Variants in NAB1 observed in about 807,000 individuals in gnomAD.
NAB1 encodes NGFI-A-binding protein 1.
In NAB1, 25 loss-of-function variants were observed where a neutral mutation model predicts 49.9. The ratio of observed to expected loss-of-function variants is 0.50; its 90% CI spans 0.37 to 0.70. The LOEUF (loss-of-function observed/expected upper bound fraction) is 0.70. Among genes scored for constraint, NAB1 ranks in the 30% least tolerant of loss-of-function variants. The pLI is 0.00. For missense variants in NAB1, 489 were observed against 575.9 expected (o/e 0.85, Z 1.54); for synonymous variants, 198 against 215.6 (o/e 0.92, Z 0.71).
intron 2 of NAB1, among the ~76,000 whole-genome samples, chr2:190,653,051 G>A (rs1693746516): frequency 6.6e-6 from 1 of 152,166 alleles, no homozygotes; most frequent in East Asian, 1.9e-4. Context: ...GTGTGGCTCA[G>A]GGAAGCCAAA....
rs560500948 is a variant in NAB1 at position 190,692,396 on chromosome 2, A to G, written c.*2063A>G. ...GTTTCCTTAACTATCTTATGTTTCT[A>G]GTCTTTCAAGCTTAGTGATAAGGTG... On this transcript the variant is annotated 3_prime_UTR_variant, in exon 10 of 10. Coordinates refer to ENST00000337386, the MANE Select transcript of NAB1 (RefSeq NM_005966.4). The surrounding 1 kb of genome is among the most constrained non-coding windows in gnomAD (Gnocchi z 5.2). The G allele has an allele frequency of 4.6e-5, 7 of 152,712 alleles. No individual in the cohort carries two copies. The South Asian group carries it at 1.5e-3, about 32-fold the overall frequency. The allele number at this position is 152,712 out of a possible 1,614,324, so 9.5% of individuals were successfully genotyped here. A position where few individuals can be genotyped will look rare whatever the true frequency, so the allele number is the denominator to read the frequency against.
chr2:190,690,043 C>CGTA (rs1574489946), intron 9 of NAB1, among the ~76,000 whole-genome samples: 3 of 5,482 alleles, frequency 5.5e-4, no homozygotes, highest in Admixed American at 1.2e-3. Context: ...ATGTATACAT[C>CGTA]TAGTAATTGG....
chr2:190,687,272 G>A lies in NAB1; in HGVS notation c.1330G>A (p.Glu444Lys). The part of the protein sequence containing the change: ...RQPHHFVVDG[E>K]LSRLYPSEAK... The stretch of plus-strand genomic sequence containing the variant: ...ACCCCATCATTTTGTGGTGGATGGG[G>A]AGCTGAGCAGACTTTACCCCAGTGA... Residue 444 changes from glutamate (E) to lysine (K), a missense_variant, in exon 9 of 10, where the codon GAG (glutamate) becomes AAG (lysine). Physicochemically the swap from Glu to Lys is moderately conservative, Grantham distance 56. Around this residue, in one of 4 missense-constraint regions of NAB1, gnomAD observed 212 missense variants for 199.3 expected, o/e 1.06. Coordinates refer to ENST00000337386, the MANE Select transcript of NAB1 (RefSeq NM_005966.4). 2 of 1,599,964 alleles carry A rather than the reference G, an allele frequency of 1.3e-6. No homozygotes were observed. The highest frequency in any genetic ancestry group is 4.6e-5 in the East Asian group (2 of 43,888).
At position 190,692,647 on chromosome 2, in the gene NAB1, T is replaced by G. The variant is rs1209366895; in HGVS notation, c.*2314T>G. The G allele has an allele frequency of 2.6e-5, 4 of 152,642 alleles. No homozygotes were observed. Among genetic ancestry groups the G allele is most frequent in the Non-Finnish European group, 5.9e-5 (4 of 68,042 alleles). 9.5% of individuals were successfully genotyped at this position (152,642 alleles called of 1,614,324 possible). A position where few individuals can be genotyped will look rare whatever the true frequency, so the allele number is the denominator to read the frequency against. On this transcript the variant is annotated 3_prime_UTR_variant, in exon 10 of 10. Coordinates refer to ENST00000337386, the MANE Select transcript of NAB1 (RefSeq NM_005966.4). This position sits in a 1 kb window ranked among gnomAD's most constrained non-coding sequence, Gnocchi z 5.2. ...CCAATATAGTCCAAGGGACCATTTC[T>G]CCCCGAGTCTCTTACACTTTATTGT...
chr2:190,651,039 C>A lies in NAB1; in HGVS notation c.-197+1057C>A, dbSNP rs890038535. 6.6e-6 allele frequency among the ~76,000 whole-genome samples: 1 copy of A among 152,102 alleles called. No individual in the cohort carries two copies. Reference sequence around the variant, plus strand: ...GATTAAAAATGTTTTTTTCCCGACTCTGATGGTCTCTTGTTACTTGTGAAG... The same window carrying A: ...GATTAAAAATGTTTTTTTCCCGACTATGATGGTCTCTTGTTACTTGTGAAG... On this transcript the variant is annotated intron_variant, in intron 2 of 9. Transcript: ENST00000337386. The surrounding 1 kb of genome is among the most constrained non-coding windows in gnomAD (Gnocchi z 4.3).
Position 190,689,223 on chromosome 2 carries a change from C to T in NAB1, c.1376-1022C>T, listed in dbSNP as rs1341244279. ...AGCACCGATACTTGACTGAGTGACCCTGACTGAGTTACTTAAGTACTCGTC... is the reference window on the plus strand; with the variant it reads ...AGCACCGATACTTGACTGAGTGACCTTGACTGAGTTACTTAAGTACTCGTC... On this transcript the variant is annotated intron_variant, in intron 9 of 9. Coordinates refer to ENST00000337386, the MANE Select transcript of NAB1 (RefSeq NM_005966.4). The surrounding 1 kb of genome is among the most constrained non-coding windows in gnomAD (Gnocchi z 4.3). Among the ~76,000 whole-genome samples, 1 of 152,128 alleles carries T rather than the reference C, an allele frequency of 6.6e-6. No individual in the cohort carries two copies. The highest frequency in any genetic ancestry group is 2.4e-5 in the African/African-American group (1 of 41,414).
At position 190,652,006 on chromosome 2, in the gene NAB1, G is replaced by A. The variant is rs765097592; in HGVS notation, c.-197+2024G>A. Among the ~76,000 whole-genome samples the A allele has an allele frequency of 3.9e-5, 6 of 152,158 alleles. No homozygotes were observed. Among genetic ancestry groups the A allele is most frequent in the Admixed American group, 6.5e-5 (1 of 15,286 alleles). On this transcript the variant is annotated intron_variant, in intron 2 of 9. Coordinates refer to ENST00000337386, the MANE Select transcript of NAB1 (RefSeq NM_005966.4). This position sits in a 1 kb window ranked among gnomAD's most constrained non-coding sequence, Gnocchi z 4.2. Reference sequence around the variant, plus strand: ...TTATCCTTTTCAACAGTAGAATGAAGAATGGTACAATTGTTATATTAAGTG... The same window carrying A: ...TTATCCTTTTCAACAGTAGAATGAAAAATGGTACAATTGTTATATTAAGTG...
At chr2:190,655,822 A>T (rs1223128513) in intron 2 of NAB1, among the ~76,000 whole-genome samples, 155 bp from the exon 3 acceptor site, 1 of 152,240 alleles carries the variant, frequency 6.6e-6, no homozygotes, top group Non-Finnish European at 1.5e-5. Context: ...CAGGTGACTG[A>T]TGCTACCCTG....
rs1162173862 is a variant in NAB1, at chr2:190,654,987, A to G, written c.-196-990A>G. Among the ~76,000 whole-genome samples, 1 of 152,236 alleles carries G rather than the reference A, an allele frequency of 6.6e-6. No homozygotes were observed. The highest frequency in any genetic ancestry group is 1.5e-5 in the Non-Finnish European group (1 of 68,042). ...AGAGAATGTACTTGATTTTGGACACATCAAATTTGAGGTTTTGACAATGCC... is the reference window on the plus strand; with the variant it reads ...AGAGAATGTACTTGATTTTGGACACGTCAAATTTGAGGTTTTGACAATGCC... On this transcript the variant is annotated intron_variant, in intron 2 of 9. Transcript: ENST00000337386. The surrounding 1 kb of genome is among the most constrained non-coding windows in gnomAD (Gnocchi z 5.6).
At position 190,683,778 on chromosome 2, in the gene NAB1, T is replaced by G; in HGVS notation, c.1046T>G (p.Phe349Cys). 1 of 1,613,868 alleles carries G rather than the reference T, an allele frequency of 6.2e-7. No homozygotes were observed. Among genetic ancestry groups the G allele is most frequent in the Non-Finnish European group, 8.5e-7 (1 of 1,179,940 alleles). The change falls in exon 7 of 10, where the codon TTC becomes TGC. Residue 349 changes from phenylalanine (F) to cysteine (C), a missense_variant. Physicochemically the swap from Phe to Cys is radical, Grantham distance 205. This residue lies in a region of NAB1 where 212 missense variants were observed against 199.3 expected (regional missense o/e 1.06). Transcript: ENST00000337386. ...TTCCAGGATTCTGTGCAAACACTCTTCCAGCAGGCTAGAGCTAAGAGTGAA... is the reference window on the plus strand; with the variant it reads ...TTCCAGGATTCTGTGCAAACACTCTGCCAGCAGGCTAGAGCTAAGAGTGAA... Reference protein sequence around the residue: ...PDFQDSVQTLFQQARAKSEEL... With the variant: ...PDFQDSVQTLCQQARAKSEEL...
rs1312127730 is a variant in NAB1 at position 190,666,766 on chromosome 2, G to T, written c.820-3560G>T. On this transcript the variant is annotated intron_variant, in intron 4 of 9. Transcript: ENST00000337386. The surrounding 1 kb of genome is among the most constrained non-coding windows in gnomAD (Gnocchi z 5.6). Reference sequence around the variant, plus strand: ...GATATGGTGGAATTTTGGTATTTTGGGCCACAAAAAGAGGAAATGGAGGAA... The same window carrying T: ...GATATGGTGGAATTTTGGTATTTTGTGCCACAAAAAGAGGAAATGGAGGAA... 6.6e-6 allele frequency among the ~76,000 whole-genome samples: 1 copy of T among 152,026 alleles called. No individual in the cohort carries two copies. Among genetic ancestry groups the T allele is most frequent in the Admixed American group, 6.5e-5 (1 of 15,272 alleles).
intron 6 of NAB1, 35 bp downstream of exon 6, chr2:190,673,187 A>G (rs1694905989): frequency 2.5e-6 from 4 of 1,601,218 alleles, no homozygotes; most frequent in Non-Finnish European, 3.4e-6. Context: ...TATGCTGATA[A>G]TGTTTGCTTT....
In NAB1 at chr2:190,659,941, A is replaced by G. The variant is rs1220639055; in HGVS notation, c.765A>G (p.Ile255Met). 6.2e-7 allele frequency: 1 copy of G among 1,614,022 alleles called. No homozygotes were observed. The highest frequency in any genetic ancestry group is 1.3e-5 in the African/African-American group (1 of 74,944). The change falls in exon 4 of 10, where the codon ATA becomes ATG. Residue 255 changes from isoleucine (I) to methionine (M), a missense_variant. Ile to Met is a conservative substitution (Grantham distance 10). Around this residue, in one of 4 missense-constraint regions of NAB1, gnomAD observed 38 missense variants for 70.1 expected, o/e 0.54. Coordinates refer to ENST00000337386, the MANE Select transcript of NAB1 (RefSeq NM_005966.4). The surrounding 1 kb of genome is among the most constrained non-coding windows in gnomAD (Gnocchi z 6.2). ...AGGAAATTCGGAAATACAGTGCAAT[A>G]TATGGCAGATTTGACTCAAAGAGGA... The part of the protein sequence containing the change: ...KEEEIRKYSA[I>M]YGRFDSKRKD...
intron 2 of NAB1, among the ~76,000 whole-genome samples, chr2:190,653,279 T>C (rs1693759622): frequency 6.6e-6 from 1 of 152,192 alleles, no homozygotes; most frequent in Admixed American, 6.5e-5. Context: ...CCATTTCCCA[T>C]CTCAATCTTT....
intron 3 of NAB1, among the ~76,000 whole-genome samples, chr2:190,658,588 A>G (rs569018887): frequency 2.0e-5 from 3 of 152,290 alleles, no homozygotes; most frequent in Non-Finnish European, 4.4e-5. Context: ...TTCCTAAATT[A>G]ACACCTTCTA....
At chr2:190,668,807 A>G (rs1050176271) in intron 4 of NAB1, among the ~76,000 whole-genome samples, 3 of 152,210 alleles carry the variant, frequency 2.0e-5, no homozygotes, top group African/African-American at 7.2e-5. Flanking sequence ...TGAGGGACAC[A>G]TTCCAAGACC....
Position 190,690,485 on chromosome 2 carries a change from A to G in NAB1, c.*152A>G, listed in dbSNP as rs1695899280. The G allele has an allele frequency of 1.1e-5, 6 of 567,916 alleles. No individual in the cohort carries two copies. The South Asian group carries it at 1.6e-4, about 15-fold the overall frequency. The allele number at this position is 567,916 out of a possible 1,614,324, so 35.2% of individuals were successfully genotyped here. A position where few individuals can be genotyped will look rare whatever the true frequency, so the allele number is the denominator to read the frequency against. On this transcript the variant is annotated 3_prime_UTR_variant, in exon 10 of 10. Transcript: ENST00000337386. ...AGGACTGGTACGGTAGTCTGTGGAAACCAGGAAGATAAAACAACAGCCACA... is the reference window on the plus strand; with the variant it reads ...AGGACTGGTACGGTAGTCTGTGGAAGCCAGGAAGATAAAACAACAGCCACA...
In NAB1 at chr2:190,676,196, C is replaced by A. The variant is rs1186574452; in HGVS notation, c.1005+3044C>A. 6.6e-6 allele frequency among the ~76,000 whole-genome samples: 1 copy of A among 151,628 alleles called. No individual in the cohort carries two copies. The highest frequency in any genetic ancestry group is 2.4e-5 in the African/African-American group (1 of 41,238). On this transcript the variant is annotated intron_variant, in intron 6 of 9. Transcript: ENST00000337386. The surrounding 1 kb of genome is among the most constrained non-coding windows in gnomAD (Gnocchi z 4.6). ...AGAAGGGTAGAATTTCAAAAGGTAG[C>A]GATGTGGGGAGGGGATTGGGGTGGC... is the stretch of plus-strand genomic sequence containing the variant.
chr2:190,688,148 C>T (rs1309419132), intron 9 of NAB1, among the ~76,000 whole-genome samples: 2 of 152,200 alleles, frequency 1.3e-5, no homozygotes, highest in African/African-American at 2.4e-5. Context: ...TTAGGAGTCA[C>T]TTAATCAACG....
Sources: allele counts gnomAD v4.1 joint callset (sites outside exome capture counted in the v4.1 genomes callset), GRCh38; gene constraint gnomAD v4.1.1; regional missense constraint gnomAD v4.1.1; non-coding constraint Gnocchi (gnomAD v3.1); transcripts MANE v1.5; gene names NCBI Gene and HGNC (gene_info 2026-07-23, HGNC 2026-07-21).